SLC25A48: variants seen among roughly 807,000 people sequenced by gnomAD.
The protein encoded by SLC25A48 is CTC-321K16.1.
A neutral mutation model predicts 32.2 loss-of-function variants in SLC25A48; 29 were observed. The ratio of observed to expected loss-of-function variants is 0.90; its 90% CI spans 0.67 to 1.23. The LOEUF is 1.23. Among genes scored for constraint, SLC25A48 ranks in the 50% most tolerant of loss-of-function variants. The pLI is 0.00. For synonymous variants in SLC25A48, 164 were observed against 172.3 expected (o/e 0.95, Z 0.38); for missense variants, 399 against 422.7 (o/e 0.94, Z 0.49).
chr5:135,697,325 C>G (rs917320257), intron 3 of SLC25A48, among the ~76,000 whole-genome samples: 6 of 151,634 alleles, frequency 4.0e-5, no homozygotes, highest in Non-Finnish European at 5.9e-5. Flanking sequence ...AGTGCTATCT[C>G]AGCTTGGCTC....
chr5:135,754,312 G>A (rs1755842948), intron 3 of SLC25A48, among the ~76,000 whole-genome samples: 1 of 151,700 alleles, frequency 6.6e-6, no homozygotes, highest in African/African-American at 2.4e-5. Context: ...TATGATAAAT[G>A]CCATTTGCCT....
chr5:135,885,755 T>G (rs954488302), intron 7 of SLC25A48, among the ~76,000 whole-genome samples: 3 of 152,202 alleles, frequency 2.0e-5, no homozygotes, highest in African/African-American at 7.2e-5. Flanking sequence ...AATTGAGAAT[T>G]GTTTGTAATA....
intron 3 of SLC25A48, among the ~76,000 whole-genome samples, chr5:135,774,866 G>A (rs1756507851): frequency 6.6e-6 from 1 of 151,578 alleles, no homozygotes. Flanking sequence ...AGGAGAGGAA[G>A]TTATTACTCC....
intron 3 of SLC25A48, among the ~76,000 whole-genome samples, chr5:135,664,983 CT>C (rs889756474): frequency 3.3e-5 from 5 of 152,144 alleles, no homozygotes; most frequent in African/African-American, 1.2e-4. Context: ...ACTTTAAATT[CT>C]TTAACCAATC....
intron 3 of SLC25A48, among the ~76,000 whole-genome samples, chr5:135,695,407 A>T (rs1754242320): frequency 6.6e-6 from 1 of 152,284 alleles, no homozygotes; most frequent in South Asian, 2.1e-4. Flanking sequence ...TAAGAATTTG[A>T]CAACAGAAAA....
chr5:135,637,920 T>C (rs1752742973), intron 3 of SLC25A48, among the ~76,000 whole-genome samples: 1 of 152,200 alleles, frequency 6.6e-6, no homozygotes, highest in African/African-American at 2.4e-5. Context: ...CAAATCTAGA[T>C]CAAGAATGAG....
chr5:135,731,431 A>C (rs1007677364), intron 3 of SLC25A48, among the ~76,000 whole-genome samples: 2 of 152,182 alleles, frequency 1.3e-5, no homozygotes, highest in Non-Finnish European at 2.9e-5. Flanking sequence ...AAATAGTGGT[A>C]AAGTGTTGGG....
chr5:135,810,925 TG>T (rs1320340511), intron 3 of SLC25A48, among the ~76,000 whole-genome samples: 2 of 152,254 alleles, frequency 1.3e-5, no homozygotes, highest in South Asian at 2.1e-4. Flanking sequence ...GAGAAAATCA[TG>T]GGAGGGGTTG....
chr5:135,839,810 TG>T, intron 1 of SLC25A48, among the ~76,000 whole-genome samples: 1 of 152,270 alleles, frequency 6.6e-6, no homozygotes, highest in East Asian at 1.9e-4. Flanking sequence ...GCTGTTCTTG[TG>T]GTAGTGAATG....
At chr5:135,769,740 C>G (rs1018422169) in intron 3 of SLC25A48, among the ~76,000 whole-genome samples, 2 of 151,162 alleles carry the variant, frequency 1.3e-5, no homozygotes, top group Non-Finnish European at 3.0e-5. Flanking sequence ...CTCCCAATAT[C>G]GCAGGACGTG....
At chr5:135,828,578 C>T (rs1287688803) in intron 4 of SLC25A48, among the ~76,000 whole-genome samples, 1 of 152,248 alleles carries the variant, frequency 6.6e-6, no homozygotes, top group East Asian at 1.9e-4. Context: ...CAAGGGCAAG[C>T]CCACCAGTTC....
chr5:135,620,645 G>A (rs778678626), intron 1 of SLC25A48, among the ~76,000 whole-genome samples: 2 of 152,040 alleles, frequency 1.3e-5, no homozygotes, highest in Non-Finnish European at 2.9e-5. Context: ...TTGGGGAGTG[G>A]GGTTGTTGCT....
At chr5:135,597,434 C>T (rs1669901745) in intron 1 of SLC25A48, among the ~76,000 whole-genome samples, 1 of 152,214 alleles carries the variant, frequency 6.6e-6, no homozygotes, top group African/African-American at 2.4e-5. Context: ...GCTCAGGACT[C>T]ATTCTTACAG....
intron 3 of SLC25A48, among the ~76,000 whole-genome samples, chr5:135,647,399 C>T (rs980175873): frequency 2.0e-5 from 3 of 152,182 alleles, no homozygotes; most frequent in Non-Finnish European, 4.4e-5. Context: ...GTCCTCCCTT[C>T]CCTCAAGCAC....
chr5:135,879,611 A>AGTGTGTGT (rs775091968), intron 6 of SLC25A48, among the ~76,000 whole-genome samples: 1 of 119,416 alleles, frequency 8.4e-6, no homozygotes, highest in South Asian at 2.9e-4. Flanking sequence ...AGAGAGAGAG[A>AGTGTGTGT]GTGTGTGTGT....
intron 1 of SLC25A48, among the ~76,000 whole-genome samples, chr5:135,836,795 C>T (rs1758546286): frequency 6.6e-6 from 1 of 152,168 alleles, no homozygotes; most frequent in Non-Finnish European, 1.5e-5. Context: ...GATGAGGAAA[C>T]TGAGATACAG....
chr5:135,787,145 C>G (rs1175517762), intron 3 of SLC25A48, among the ~76,000 whole-genome samples: 1 of 150,932 alleles, frequency 6.6e-6, no homozygotes, highest in Non-Finnish European at 1.5e-5. Context: ...GGGTGTGCAC[C>G]CTGTGATATT....
intron 3 of SLC25A48, among the ~76,000 whole-genome samples, chr5:135,743,106 C>T: frequency 9.8e-6 from 1 of 102,464 alleles, no homozygotes; most frequent in Non-Finnish European, 2.0e-5. Flanking sequence ...CAGAGTCTCA[C>T]TCTGTCATCC....
At chr5:135,631,890 G>C (rs1752580874) in intron 2 of SLC25A48, among the ~76,000 whole-genome samples, 1 of 152,160 alleles carries the variant, frequency 6.6e-6, no homozygotes, top group Non-Finnish European at 1.5e-5. Context: ...GTATATTTTT[G>C]CTCTTTATCT....
Sources: allele counts gnomAD v4.1 joint callset (sites outside exome capture counted in the v4.1 genomes callset), GRCh38; gene constraint gnomAD v4.1.1; transcripts MANE v1.5; gene names NCBI Gene and HGNC (gene_info 2026-07-23, HGNC 2026-07-21).